Variants in NKD2 observed in about 807,000 individuals in gnomAD.
NKD2 encodes the protein NKD inhibitor of Wnt signaling pathway 2, also known as protein naked cuticle homolog 2.
In NKD2, 43 loss-of-function variants were observed where a neutral mutation model predicts 34.8. The observed-to-expected ratio is 1.24, with a 90% confidence interval of 0.97 to 1.60. NKD2 has a LOEUF of 1.60. Ranked by LOEUF, NKD2 falls within the 40% of genes most tolerant of loss-of-function variation. The probability of loss-of-function intolerance (pLI) is 0.00; values close to 1 mark genes in which losing one functional copy is unlikely to be tolerated. For synonymous variants in NKD2, 278 were observed against 265.1 expected, an observed-to-expected ratio of 1.05 and a Z score of -0.47; for missense variants, 675 against 627.1, an observed-to-expected ratio of 1.08 and a Z score of -0.82.
intron 3 of NKD2, among the ~76,000 whole-genome samples, chr5:1,026,428 G>T (rs1372991970): frequency 2.3e-5 from 2 of 86,152 alleles, no homozygotes; most frequent in African/African-American, 4.4e-5. Context: ...CTTTTTCCCT[G>T]CTCTTCCCAC....
intron 5 of NKD2, 63 bp from the exon 6 acceptor site, chr5:1,034,156 AGAAGATCCTTCCCCCT>A (rs1264163042): frequency 1.4e-5 from 14 of 1,036,156 alleles, no homozygotes; most frequent in Non-Finnish European, 2.0e-5. Context: ...GAAAGGCCCC[AGAAGATCCTTCCCCCT>A]GTGGAGTTGG....
rs896636654 is a variant in NKD2, at chr5:1,038,718, T to C, written c.*345T>C. ...GAGTGCGCAAGGAGTGCCCGGATGC[T>C]TGGGGTGGGTGTTCCTCCCGGGGCT... On this transcript the variant is annotated 3_prime_UTR_variant, in exon 10 of 10. Transcript: ENST00000296849. This position sits in a 1 kb window ranked among gnomAD's most constrained non-coding sequence, Gnocchi z 4.5. 7 of 546,218 alleles carry C rather than the reference T, an allele frequency of 1.3e-5. No individual in the cohort carries two copies. In the African/African-American group the frequency reaches 1.3e-4, roughly 10 times the overall value. 33.8% of individuals were successfully genotyped at this position (546,218 alleles called of 1,614,324 possible). A position where few individuals can be genotyped will look rare whatever the true frequency, so the allele number is the denominator to read the frequency against.
intron 9 of NKD2, chr5:1,036,652 G>A: frequency 3.3e-6 from 2 of 608,400 alleles, no homozygotes; most frequent in East Asian, 3.3e-5. Context: ...ATGCGGGGGT[G>A]CCTGGTTCAA....
chr5:1,021,850 G>T (rs973514661), intron 3 of NKD2, among the ~76,000 whole-genome samples: 2 of 152,074 alleles, frequency 1.3e-5, no homozygotes, highest in African/African-American at 4.8e-5. Context: ...GGGATAAGGC[G>T]GATGGGGTGG....
Position 1,009,213 on chromosome 5 carries a change from A to G in NKD2, c.60A>G (p.Glu20=). Residue 20 remains glutamate (E), a splice_region_variant and synonymous_variant, in exon 2 of 10, where the codon GAA becomes GAG. Transcript: ENST00000296849. This position sits in a 1 kb window ranked among gnomAD's most constrained non-coding sequence, Gnocchi z 6.9. ...AAARKRRESP[E]GDSFVASAYA... Reference sequence around the variant, plus strand: ...CCCGCAAGCGGAGAGAGAGCCCGGAAGGTGAGCGGGCGAGCCGACGGGCGG... The same window carrying G: ...CCCGCAAGCGGAGAGAGAGCCCGGAGGGTGAGCGGGCGAGCCGACGGGCGG... 2.1e-6 allele frequency: 1 copy of G among 469,842 alleles called. No individual in the cohort carries two copies. Among genetic ancestry groups the G allele is most frequent in the Non-Finnish European group, 3.8e-6 (1 of 263,236 alleles). The allele number at this position is 469,842 out of a possible 1,614,324, so 29.1% of individuals were successfully genotyped here. A position where few individuals can be genotyped will look rare whatever the true frequency, so the allele number is the denominator to read the frequency against.
chr5:1,029,583 A>G (rs1277547444), intron 3 of NKD2, among the ~76,000 whole-genome samples: 4 of 152,152 alleles, frequency 2.6e-5, no homozygotes, highest in African/African-American at 7.2e-5. Context: ...TTTTAGAAAC[A>G]CGGCACGGGC....
chr5:1,009,681 C>A lies in NKD2; in HGVS notation c.141+121C>A. 1.3e-6 allele frequency: 1 copy of A among 794,350 alleles called. No individual in the cohort carries two copies. The highest frequency in any genetic ancestry group is 1.8e-6 in the Non-Finnish European group (1 of 555,738). 49.2% of individuals were successfully genotyped at this position (794,350 alleles called of 1,614,324 possible). ...CGAGACGTGGGCCGCCATGGCCGCA[C>A]GAGTGACCGGGGGCCAGGAGAGCCA... On this transcript the variant is annotated intron_variant, in intron 3 of 9. Transcript: ENST00000296849. The surrounding 1 kb of genome is among the most constrained non-coding windows in gnomAD (Gnocchi z 6.9).
At chr5:1,015,283 TGTG>T (rs1264966433) in intron 3 of NKD2, among the ~76,000 whole-genome samples, 6 of 152,156 alleles carry the variant, frequency 3.9e-5, no homozygotes, top group African/African-American at 9.6e-5. Context: ...CGTGGCCAGG[TGTG>T]GTGGGAGCAG....
At chr5:1,034,414 G>T in intron 6 of NKD2, 84 bp downstream of exon 6, 1 of 1,129,906 alleles carries the variant, frequency 8.9e-7, no homozygotes, top group Non-Finnish European at 1.3e-6. Flanking sequence ...ATACCTCAGG[G>T]GGCAGGAGGG....
At chr5:1,026,386 T>C (rs1389954831) in intron 3 of NKD2, among the ~76,000 whole-genome samples, 1 of 90,722 alleles carries the variant, frequency 1.1e-5, no homozygotes, top group African/African-American at 4.1e-5. Context: ...CCATTGTCCC[T>C]GCTCTTCCCA....
chr5:1,036,432 C>T, intron 9 of NKD2, 48 bp downstream of exon 9: 3 of 1,552,356 alleles, frequency 1.9e-6, no homozygotes, highest in Non-Finnish European at 2.6e-6. Flanking sequence ...CTGTGGGTGC[C>T]CATCGAAGGT....
At chr5:1,029,961 C>G (rs1440755162) in intron 3 of NKD2, among the ~76,000 whole-genome samples, 1 of 148,724 alleles carries the variant, frequency 6.7e-6, no homozygotes, top group Non-Finnish European at 1.5e-5. Context: ...GGCCTGAGCT[C>G]TGCCTGCTGG....
intron 3 of NKD2, among the ~76,000 whole-genome samples, chr5:1,014,440 C>T (rs535339721): frequency 2.7e-4 from 41 of 152,318 alleles, no homozygotes; most frequent in South Asian, 1.4e-3. Flanking sequence ...AGGGCAGGGC[C>T]GTCTCGAGTA....
At position 1,009,628 on chromosome 5, in the gene NKD2, C is replaced by A; in HGVS notation, c.141+68C>A. On this transcript the variant is annotated intron_variant, in intron 3 of 9. Transcript: ENST00000296849. The surrounding 1 kb of genome is among the most constrained non-coding windows in gnomAD (Gnocchi z 6.9). Reference sequence around the variant, plus strand: ...CCGGGGGCGGGGAGCGGTGTCAGAGCTGTTCCTGGTGCCCGCCCGCGGACA... The same window carrying A: ...CCGGGGGCGGGGAGCGGTGTCAGAGATGTTCCTGGTGCCCGCCCGCGGACA... 2 of 1,283,144 alleles carry A rather than the reference C, an allele frequency of 1.6e-6. No homozygotes were observed. The highest frequency in any genetic ancestry group is 2.0e-6 in the Non-Finnish European group (2 of 992,634). The allele number at this position is 1,283,144 out of a possible 1,614,324, so 79.5% of individuals were successfully genotyped here.
Position 1,033,252 on chromosome 5 carries a change from C to T in NKD2, c.203-120C>T, listed in dbSNP as rs1210280976. 4 of 1,011,676 alleles carry T rather than the reference C, an allele frequency of 4.0e-6. No homozygotes were observed. In the Admixed American group the frequency reaches 8.2e-5, roughly 21 times the overall value. The allele number at this position is 1,011,676 out of a possible 1,614,324, so 62.7% of individuals were successfully genotyped here. On this transcript the variant is annotated intron_variant, in intron 4 of 9. Transcript: ENST00000296849. ...AGGGGTCCCAAGATCGGGCTCTCAG[C>T]TCAGGCCCGTCTGGACAGGATCATG...
intron 7 of NKD2, 127 bp downstream of exon 7, chr5:1,035,030 G>A: frequency 1.2e-6 from 1 of 838,288 alleles, no homozygotes; most frequent in East Asian, 2.7e-5. Flanking sequence ...ATGGGTGAGT[G>A]AGTGAATGAG....
chr5:1,028,089 G>A (rs577103436), intron 3 of NKD2, among the ~76,000 whole-genome samples: 17 of 152,322 alleles, frequency 1.1e-4, no homozygotes, highest in East Asian at 1.9e-4. Flanking sequence ...GTGCCTGGCC[G>A]CCTGTGGAGG....
chr5:1,010,821 C>G (rs1481105440), intron 3 of NKD2, among the ~76,000 whole-genome samples: 5 of 152,186 alleles, frequency 3.3e-5, no homozygotes, highest in Non-Finnish European at 7.4e-5. Context: ...GGGCGTTCAC[C>G]TCTCTCGTGG....
In NKD2 at chr5:1,038,636, T is replaced by C; in HGVS notation, c.*263T>C. On this transcript the variant is annotated 3_prime_UTR_variant, in exon 10 of 10. Coordinates refer to ENST00000296849, the MANE Select transcript of NKD2 (RefSeq NM_033120.4). The surrounding 1 kb of genome is among the most constrained non-coding windows in gnomAD (Gnocchi z 4.5). ...ATCTGAAGCCACTATGTTTCCTGGC[T>C]CTAAGGCTCGTCTGTGTAACCCATA... The C allele has an allele frequency of 7.1e-6, 5 of 705,270 alleles. No individual in the cohort carries two copies. Among genetic ancestry groups the C allele is most frequent in the Non-Finnish European group, 1.2e-5 (5 of 407,934 alleles). 43.7% of individuals were successfully genotyped at this position (705,270 alleles called of 1,614,324 possible).
Sources: allele counts gnomAD v4.1 joint callset (sites outside exome capture counted in the v4.1 genomes callset), GRCh38; gene constraint gnomAD v4.1.1; non-coding constraint Gnocchi (gnomAD v3.1); transcripts MANE v1.5; gene names NCBI Gene and HGNC (gene_info 2026-07-23, HGNC 2026-07-21).